Variants in PTPRZ1 observed in about 807,000 individuals in gnomAD.
PTPRZ1 encodes the protein protein tyrosine phosphatase receptor type Z1.
A neutral mutation model predicts 214.1 loss-of-function variants in PTPRZ1; 82 were observed. The ratio of observed to expected loss-of-function variants is 0.38; its 90% CI spans 0.32 to 0.46. The LOEUF is 0.46. Among genes scored for constraint, PTPRZ1 ranks in the 20% least tolerant of loss-of-function variants. The pLI, the probability that PTPRZ1 is intolerant of heterozygous loss-of-function variation, is 1.00. For missense variants in PTPRZ1, 2,603 were observed against 2,748.7 expected (o/e 0.95, Z 1.19); for synonymous variants, 945 against 987.9 (o/e 0.96, Z 0.81).
rs754611193 is a variant in PTPRZ1, at chr7:122,028,620, C to G, written c.5057C>G (p.Pro1686Arg). The G allele has an allele frequency of 6.5e-7, 1 of 1,538,534 alleles. No homozygotes were observed. The change falls in exon 14 of 30, where the codon CCA (proline) becomes CGA (arginine). Residue 1686 changes from proline to arginine, a missense_variant. This residue lies in a region of PTPRZ1 where 1,913 missense variants were observed against 1,914.3 expected (regional missense o/e 1.00). Transcript: ENST00000393386. ...STSPRVISTP[P>R]TPIFPISDDV... ...TCCCCTAGAGTTATATCCACACCTC[C>G]AACACCTATCTTTCCAATTTCAGGT...
At chr7:122,032,506 C>T (rs1208255889) in intron 15 of PTPRZ1, among the ~76,000 whole-genome samples, 2 of 152,110 alleles carry the variant, frequency 1.3e-5, no homozygotes, top group Admixed American at 1.3e-4. Flanking sequence ...CTTCATATTG[C>T]ATTTTTGCTT....
rs185157088 is a variant in PTPRZ1, at chr7:122,061,401, G to A, written c.*181G>A. The A allele has an allele frequency of 2.1e-4, 87 of 413,078 alleles. No homozygotes were observed. In the Middle Eastern group the frequency reaches 5.0e-3, roughly 24 times the overall value. The allele number at this position is 413,078 out of a possible 1,614,324, so 25.6% of individuals were successfully genotyped here. A position where few individuals can be genotyped will look rare whatever the true frequency, so the allele number is the denominator to read the frequency against. ...CAATGTGTGCCTTTTTGCAAGACTT[G>A]TAATTTACTTATTATGTTTGAACTA... On this transcript the variant is annotated 3_prime_UTR_variant, in exon 30 of 30. Coordinates refer to ENST00000393386, the MANE Select transcript of PTPRZ1 (RefSeq NM_002851.3).
At chr7:122,001,487 G>T (rs1798322450) in intron 10 of PTPRZ1, among the ~76,000 whole-genome samples, 1 of 152,124 alleles carries the variant, frequency 6.6e-6, no homozygotes, top group African/African-American at 2.4e-5. Context: ...GTTACTGTGT[G>T]CTTTCAGTTG....
chr7:121,886,498 G>A (rs1222435971), intron 1 of PTPRZ1, among the ~76,000 whole-genome samples: 2 of 129,636 alleles, frequency 1.5e-5, no homozygotes, highest in African/African-American at 3.3e-5. Flanking sequence ...ACACACAGCC[G>A]TAAAAATAAC....
At chr7:121,994,325 TGCTCTGTTGCCCCG>T (rs1326560590) in intron 8 of PTPRZ1, among the ~76,000 whole-genome samples, 44 of 128,784 alleles carry the variant, frequency 3.4e-4, no homozygotes, top group African/African-American at 1.2e-3. Context: ...GACGGAGTCT[TGCTCTGTTGCCCCG>T]GCTGGAGTGC....
chr7:122,048,672 A>G (rs1792076327), intron 23 of PTPRZ1, among the ~76,000 whole-genome samples: 1 of 152,186 alleles, frequency 6.6e-6, no homozygotes, highest in African/African-American at 2.4e-5. Context: ...AAGGAAAAAT[A>G]TAATGAAAAT....
chr7:121,920,679 G>C (rs1414082140), intron 1 of PTPRZ1, among the ~76,000 whole-genome samples: 1 of 152,182 alleles, frequency 6.6e-6, no homozygotes, highest in East Asian at 1.9e-4. Flanking sequence ...GGAAAAAAAT[G>C]TGGTACTTCA....
chr7:121,986,160 G>T (rs528069866), intron 8 of PTPRZ1, among the ~76,000 whole-genome samples: 1 of 152,258 alleles, frequency 6.6e-6, no homozygotes, highest in Non-Finnish European at 1.5e-5. Context: ...ACTGTGTATT[G>T]TGTGACTCTA....
rs1464060707 is a variant in PTPRZ1, at chr7:122,042,716, A to G, written c.5910A>G (p.Ser1970=). The change falls in exon 22 of 30, where the codon TCA becomes TCG. Residue 1970 remains serine (S), a synonymous_variant. Coordinates refer to ENST00000393386, the MANE Select transcript of PTPRZ1 (RefSeq NM_002851.3). The part of the protein sequence containing the change: ...NIFGFLKHIR[S]QRNYLVQTEE... ...TTGGCTTCTTAAAACACATCCGTTC[A>G]CAAAGAAATTATTTGGTACAAACTG... 7 of 1,612,740 alleles carry G rather than the reference A, an allele frequency of 4.3e-6. No individual in the cohort carries two copies. In the Admixed American group the frequency reaches 8.3e-5, roughly 19 times the overall value.
rs1798697364 is a variant in PTPRZ1 at position 122,012,352 on chromosome 7, C to T, written c.3306C>T (p.Ser1102=). Residue 1102 remains serine (S), a synonymous_variant, in exon 12 of 30, where the codon TCC becomes TCT. Transcript: ENST00000393386. ...ISSTKGMFPG[S]LAHTTTKVFD... is the part of the protein sequence containing the mutation. ...GCACCAAGGGCATGTTTCCAGGGTC[C>T]CTTGCTCATACCACCACTAAGGTTT... 2 of 1,613,804 alleles carry T rather than the reference C, an allele frequency of 1.2e-6. No individual in the cohort carries two copies. The highest frequency in any genetic ancestry group is 1.3e-5 in the African/African-American group (1 of 74,910).
At chr7:122,042,175 T>A (rs1020888236) in intron 21 of PTPRZ1, among the ~76,000 whole-genome samples, 7 of 152,202 alleles carry the variant, frequency 4.6e-5, no homozygotes, top group Non-Finnish European at 8.8e-5. Context: ...CAGAAATCTT[T>A]ACAAACATGT....
chr7:121,882,154 A>G (rs1156279223), intron 1 of PTPRZ1, among the ~76,000 whole-genome samples: 1 of 152,200 alleles, frequency 6.6e-6, no homozygotes, highest in East Asian at 1.9e-4. Flanking sequence ...TGATGATGCA[A>G]GTACAAATTA....
intron 23 of PTPRZ1, among the ~76,000 whole-genome samples, chr7:122,050,036 A>G (rs1442968438): frequency 1.3e-5 from 2 of 152,196 alleles, no homozygotes; most frequent in African/African-American, 4.8e-5. Flanking sequence ...TTCATGTCAA[A>G]AAAAGTAACA....
intron 2 of PTPRZ1, among the ~76,000 whole-genome samples, chr7:121,939,283 T>C (rs1796175740): frequency 6.6e-6 from 1 of 152,196 alleles, no homozygotes; most frequent in Non-Finnish European, 1.5e-5. Context: ...GAAGGCTGCA[T>C]TTTATAGTGC....
chr7:122,016,902 C>A (rs967071298), intron 12 of PTPRZ1, among the ~76,000 whole-genome samples: 2 of 152,020 alleles, frequency 1.3e-5, no homozygotes, highest in African/African-American at 2.4e-5. Context: ...TCAAAATCAA[C>A]TGGAGGACTC....
chr7:121,881,601 G>C (rs1190304267), intron 1 of PTPRZ1, among the ~76,000 whole-genome samples: 1 of 152,172 alleles, frequency 6.6e-6, no homozygotes, highest in Non-Finnish European at 1.5e-5. Context: ...AACAAAGCTA[G>C]TGCCACAAGA....
At chr7:121,908,506 T>C (rs963497415) in intron 1 of PTPRZ1, 2 of 362,606 alleles carry the variant, frequency 5.5e-6, no homozygotes, top group African/African-American at 2.2e-5. Flanking sequence ...ATTTGTTTTT[T>C]ACCTAGCCTT....
intron 1 of PTPRZ1, among the ~76,000 whole-genome samples, chr7:121,915,484 C>A (rs189626533): frequency 3.3e-4 from 50 of 152,178 alleles, no homozygotes; most frequent in African/African-American, 1.1e-3. Context: ...TTTCTGCAAG[C>A]CATTTCTGAA....
chr7:121,989,378 T>TTC, intron 8 of PTPRZ1, among the ~76,000 whole-genome samples: 1 of 151,378 alleles, frequency 6.6e-6, no homozygotes, highest in African/African-American at 2.4e-5. Flanking sequence ...TATGAAAGTT[T>TTC]TTTTTTTTTT....
Sources: gnomAD v4.1 joint callset for allele counts (sites outside exome capture counted in the v4.1 genomes callset) on GRCh38, gnomAD v4.1.1 for gene constraint, gnomAD v4.1.1 regional missense constraint, MANE v1.5 for transcripts, NCBI Gene and HGNC (gene_info 2026-07-23, HGNC 2026-07-21) for gene names.